ZFP64: variants seen among roughly 807,000 people sequenced by gnomAD.
ZFP64 encodes the protein ZFP64 zinc finger protein.
ZFP64 carries 14 observed loss-of-function variants against 51.6 expected under a neutral mutation model. The observed-to-expected ratio is 0.27, with a 90% confidence interval of 0.18 to 0.42. ZFP64 has a LOEUF of 0.42. Among genes scored for constraint, ZFP64 ranks in the 10% least tolerant of loss-of-function variants. The pLI is 1.00. For synonymous variants in ZFP64, 375 were observed against 361.4 expected (o/e 1.04, Z -0.43); for missense variants, 754 against 906.8 (o/e 0.83, Z 2.16).
intron 5 of ZFP64, among the ~76,000 whole-genome samples, chr20:52,145,452 A>C (rs1980477304): frequency 6.6e-6 from 1 of 152,118 alleles, no homozygotes; most frequent in Non-Finnish European, 1.5e-5. Context: ...CAGGAGTTTG[A>C]GACCAGCCTG....
intron 5 of ZFP64, among the ~76,000 whole-genome samples, chr20:52,154,316 G>C (rs1038030384): frequency 6.6e-6 from 1 of 152,084 alleles, no homozygotes; most frequent in Non-Finnish European, 1.5e-5. Context: ...CCCTGTGGTG[G>C]GTGCTATTAT....
intron 5 of ZFP64, among the ~76,000 whole-genome samples, chr20:52,112,616 T>TA (rs1978650700): frequency 1.6e-5 from 2 of 126,768 alleles, no homozygotes; most frequent in Non-Finnish European, 3.6e-5. Flanking sequence ...TCTCCTTCCT[T>TA]TTTTTTTTTC....
chr20:52,143,533 G>A (rs1419548430), intron 5 of ZFP64, among the ~76,000 whole-genome samples: 7 of 140,894 alleles, frequency 5.0e-5, no homozygotes, highest in Non-Finnish European at 9.4e-5. Flanking sequence ...GCTATTTTAC[G>A]ACTTAGTTTT....
At chr20:52,187,564 G>A (rs1307939549) in intron 1 of ZFP64, among the ~76,000 whole-genome samples, 1 of 152,206 alleles carries the variant, frequency 6.6e-6, no homozygotes, top group East Asian at 1.9e-4. Flanking sequence ...AGAGGTTGCA[G>A]TGAGCTGAGA....
chr20:52,142,377 G>GACACACACACACACACACGCGCGC (rs1980302194), intron 5 of ZFP64, among the ~76,000 whole-genome samples: 1 of 118,370 alleles, frequency 8.4e-6, no homozygotes, highest in African/African-American at 3.3e-5. Context: ...CACACACACA[G>GACACACACACACACACACGCGCGC]ACACACACAC....
intron 2 of ZFP64, among the ~76,000 whole-genome samples, chr20:52,185,164 CAGG>C (rs1983869034): frequency 6.6e-6 from 1 of 152,122 alleles, no homozygotes; most frequent in Non-Finnish European, 1.5e-5. Flanking sequence ...GCTGGGATTA[CAGG>C]CACGTGACAC....
In ZFP64 at chr20:52,167,151, C is replaced by A. The variant is rs542208599; in HGVS notation, c.287-1126G>T. On this transcript the variant is annotated intron_variant, in intron 2 of 5. Transcript: ENST00000216923. ...ACTAGCCTGGTCAACATGGTGAAAC[C>A]CCATCTCTACTAAAAATACAAAAAT... is the stretch of plus-strand genomic sequence containing the variant. Among the ~76,000 whole-genome samples the A allele has an allele frequency of 4.7e-4, 72 of 151,798 alleles. 2 individuals carry two copies. Among genetic ancestry groups the A allele is most frequent in the Admixed American group, 1.7e-3 (26 of 15,244 alleles).
chr20:52,127,315 T>C (rs1216223318), intron 5 of ZFP64, among the ~76,000 whole-genome samples: 2 of 152,086 alleles, frequency 1.3e-5, no homozygotes, highest in African/African-American at 4.8e-5. Flanking sequence ...AAGATTTTTT[T>C]TTTTAAAGGA....
downstream of ZFP64, among the ~76,000 whole-genome samples, chr20:52,147,607 A>C (rs1980585842): frequency 6.6e-6 from 1 of 152,222 alleles, no homozygotes; most frequent in African/African-American, 2.4e-5. Flanking sequence ...AATACCATTC[A>C]TTACTGAGAA....
At chr20:52,101,363 GA>G (rs1767292879) in intron 5 of ZFP64, among the ~76,000 whole-genome samples, 1 of 117,636 alleles carries the variant, frequency 8.5e-6, no homozygotes, top group African/African-American at 3.5e-5. Flanking sequence ...AAGGACTTGC[GA>G]TTCCAGGGAC....
chr20:52,091,814 C>T (rs901901194), intron 7 of ZFP64, among the ~76,000 whole-genome samples: 24 of 121,372 alleles, frequency 2.0e-4, no homozygotes, highest in Admixed American at 1.8e-3. Flanking sequence ...ATGGAGAAAC[C>T]CCGTCTCTAC....
chr20:52,164,776 G>T lies in ZFP64; in HGVS notation c.449-19C>A. Reference sequence around the variant, plus strand: ...TGGCAACCTAAAAAAAAAAAGGAAAGATTAATTACAAAGGAAAACTTAGTA... The same window carrying T: ...TGGCAACCTAAAAAAAAAAAGGAAATATTAATTACAAAGGAAAACTTAGTA... On this transcript the variant is annotated intron_variant, in intron 3 of 5. Transcript: ENST00000216923. The T allele has an allele frequency of 6.3e-7, 1 of 1,588,436 alleles. No homozygotes were observed. Among genetic ancestry groups the T allele is most frequent in the Non-Finnish European group, 8.6e-7 (1 of 1,159,792 alleles).
At position 52,160,731 on chromosome 20, in the gene ZFP64, G is replaced by A. The variant is rs1981721610; in HGVS notation, c.512-357C>T. ...TCTCTCCTTTTTCCTTTTCACAACA[G>A]AGATGCACCGTAAAATTTAGAATAC... On this transcript the variant is annotated intron_variant, in intron 4 of 5. Coordinates refer to ENST00000216923, the MANE Select transcript of ZFP64 (RefSeq NM_018197.3). The surrounding 1 kb of genome is among the most constrained non-coding windows in gnomAD (Gnocchi z 4.2). Among the ~76,000 whole-genome samples the A allele has an allele frequency of 6.6e-6, 1 of 152,052 alleles. No individual in the cohort carries two copies. Among genetic ancestry groups the A allele is most frequent in the African/African-American group, 2.4e-5 (1 of 41,402 alleles).
At chr20:52,123,203 C>T (rs6123131) in intron 5 of ZFP64, among the ~76,000 whole-genome samples, 64,161 of 151,858 alleles carry the variant, frequency 0.42, 14,566 homozygotes, top group Admixed American at 0.51. Context: ...GTTAGCCAGG[C>T]GAACATGTTC....
At chr20:52,128,016 T>C (rs1225083604) in intron 5 of ZFP64, among the ~76,000 whole-genome samples, 3 of 152,190 alleles carry the variant, frequency 2.0e-5, no homozygotes, top group East Asian at 3.8e-4. Context: ...CTCTGGGCTG[T>C]GGTTTGGATT....
At chr20:52,180,866 A>C (rs1019316658) in intron 2 of ZFP64, among the ~76,000 whole-genome samples, 1 of 152,118 alleles carries the variant, frequency 6.6e-6, no homozygotes, top group East Asian at 1.9e-4. Context: ...ATATGAACCC[A>C]AGCAGTCTGT....
At chr20:52,133,387 A>G (rs576779216) in intron 5 of ZFP64, among the ~76,000 whole-genome samples, 9 of 152,204 alleles carry the variant, frequency 5.9e-5, no homozygotes, top group Non-Finnish European at 8.8e-5. Flanking sequence ...TATAAAGGGC[A>G]TCCAAATTGG....
At chr20:52,172,320 G>A (rs1351249327) in intron 2 of ZFP64, among the ~76,000 whole-genome samples, 2 of 151,784 alleles carry the variant, frequency 1.3e-5, no homozygotes, top group African/African-American at 4.8e-5. Context: ...CTGCTCTTCA[G>A]TTCTTTTGTC....
At chr20:52,175,859 C>T in intron 2 of ZFP64, 1 of 309,018 alleles carries the variant, frequency 3.2e-6, no homozygotes, top group Non-Finnish European at 4.7e-6. Context: ...CGCACCCCCG[C>T]TGCCGCCCCC....
Sources: gnomAD v4.1 joint callset for allele counts (sites outside exome capture counted in the v4.1 genomes callset) on GRCh38, gnomAD v4.1.1 for gene constraint, Gnocchi (gnomAD v3.1) non-coding constraint, MANE v1.5 for transcripts, NCBI Gene and HGNC (gene_info 2026-07-23, HGNC 2026-07-21) for gene names.